Variants in SLC6A15 observed in about 807,000 individuals in gnomAD.
The protein encoded by SLC6A15 is solute carrier family 6 member 15, also known as sodium-dependent neutral amino acid transporter B(0)AT2.
Under a neutral mutation model 68.5 loss-of-function variants are expected in SLC6A15, and 33 were observed. The ratio of observed to expected loss-of-function variants is 0.48; its 90% CI spans 0.37 to 0.64. The LOEUF (loss-of-function observed/expected upper bound fraction) is 0.64. Among genes scored for constraint, SLC6A15 ranks in the 30% least tolerant of loss-of-function variants. The pLI is 0.00. For synonymous variants in SLC6A15, 347 were observed against 301.0 expected (o/e 1.15, Z -1.58); for missense variants, 747 against 874.3 (o/e 0.85, Z 1.84).
At position 84,885,950 on chromosome 12, in the gene SLC6A15, T is replaced by C; in HGVS notation, c.408A>G (p.Ile136Met). The C allele has an allele frequency of 6.2e-7, 1 of 1,612,530 alleles. No individual in the cohort carries two copies. The highest frequency in any genetic ancestry group is 1.1e-5 in the South Asian group (1 of 90,870). The part of the protein sequence containing the change: ...RRGSIGVWNY[I>M]SPKLGGIGFA... ...ATCCAATCCCGCCCAGTTTAGGGCT[T>C]ATGTAATTCCATACACCAATGCTGC... Residue 136 changes from isoleucine to methionine, a missense_variant, in exon 3 of 12, where the codon ATA becomes ATG. Physicochemically the swap from Ile to Met is conservative, Grantham distance 10. Coordinates refer to ENST00000266682, the MANE Select transcript of SLC6A15 (RefSeq NM_182767.6).
chr12:84,890,846 A>G (rs184762126), intron 2 of SLC6A15, among the ~76,000 whole-genome samples: 1 of 152,226 alleles, frequency 6.6e-6, no homozygotes, highest in African/African-American at 2.4e-5. Context: ...ATCACAAACT[A>G]GAATCAAATA....
intron 6 of SLC6A15, 41 bp from the exon 7 acceptor site, chr12:84,873,369 T>A (rs1331978512): frequency 1.3e-6 from 2 of 1,591,274 alleles, no homozygotes; most frequent in Admixed American, 3.6e-5. Flanking sequence ...TACAAAATAA[T>A]GTTTCAGAAT....
At chr12:84,875,663 TA>T (rs1871488658) in intron 6 of SLC6A15, among the ~76,000 whole-genome samples, 2 of 10,730 alleles carry the variant, frequency 1.9e-4, no homozygotes. Flanking sequence ...TATATATATA[TA>T]TATATATATA....
At chr12:84,877,837 G>T (rs2120602773) in intron 5 of SLC6A15, among the ~76,000 whole-genome samples, 1 of 152,170 alleles carries the variant, frequency 6.6e-6, no homozygotes, top group East Asian at 1.9e-4. Flanking sequence ...GTGTTTCTGT[G>T]TTTATTTTTT....
At chr12:84,884,283 T>C (rs1231196656) in intron 4 of SLC6A15, among the ~76,000 whole-genome samples, 3 of 152,022 alleles carry the variant, frequency 2.0e-5, no homozygotes, top group Non-Finnish European at 4.4e-5. Context: ...ATCAAAGTAA[T>C]TTTTATTTAT....
chr12:84,885,887 A>G, intron 3 of SLC6A15, 24 bp downstream of exon 3: 2 of 1,592,024 alleles, frequency 1.3e-6, no homozygotes, highest in East Asian at 2.2e-5. Flanking sequence ...AGATTACAGC[A>G]TACACCAACA....
intron 1 of SLC6A15, among the ~76,000 whole-genome samples, chr12:84,897,389 A>G (rs1034404552): frequency 1.3e-5 from 2 of 152,118 alleles, no homozygotes; most frequent in Non-Finnish European, 2.9e-5. Context: ...GCTAAAGGTA[A>G]TCCAACAAAC....
At chr12:84,874,778 C>T (rs1871442664) in intron 6 of SLC6A15, among the ~76,000 whole-genome samples, 2 of 152,138 alleles carry the variant, frequency 1.3e-5, no homozygotes. Context: ...AAAGACATTA[C>T]CAGCAGCCCA....
In SLC6A15 at chr12:84,870,648, G is replaced by C. The variant is rs1442904478; in HGVS notation, c.1325C>G (p.Ala442Gly). 1 of 1,611,190 alleles carries C rather than the reference G, an allele frequency of 6.2e-7. No homozygotes were observed. Among genetic ancestry groups the C allele is most frequent in the Admixed American group, 1.7e-5 (1 of 59,606 alleles). The change falls in exon 9 of 12, where the codon GCT becomes GGT. Residue 442 changes from alanine to glycine, a missense_variant. By Grantham distance (60) the Ala-to-Gly change is moderately conservative. Coordinates refer to ENST00000266682, the MANE Select transcript of SLC6A15 (RefSeq NM_182767.6). Reference sequence around the variant, plus strand: ...CATCGCTTCTGTAAAGGCAATAAAAGCTAAGCCGGTCCCCTGAACAGCCTG... The same window carrying C: ...CATCGCTTCTGTAAAGGCAATAAAACCTAAGCCGGTCCCCTGAACAGCCTG... ...LNKAVQGTGLAFIAFTEAMTH... is the reference protein window; with the variant it reads ...LNKAVQGTGLGFIAFTEAMTH...
intron 6 of SLC6A15, among the ~76,000 whole-genome samples, chr12:84,875,678 ATATATATATATATATATATAT>A (rs1393543359): frequency 0.029 from 4 of 138 alleles, 1 homozygote; most frequent in South Asian, 0.5. Context: ...ATATATATAT[ATATATATATATATATATATAT>A]GAGAATCAAA....
Position 84,883,783 on chromosome 12 carries a change from C to T in SLC6A15, c.756+76G>A, listed in dbSNP as rs1353138197. Reference sequence around the variant, plus strand: ...TTATGTGTGATTTGCCCACAGAAATCTGTAACAGAATTTGAGAGAGGGATG... The same window carrying T: ...TTATGTGTGATTTGCCCACAGAAATTTGTAACAGAATTTGAGAGAGGGATG... On this transcript the variant is annotated intron_variant, in intron 5 of 11. Transcript: ENST00000266682. The T allele has an allele frequency of 2.5e-6, 4 of 1,613,730 alleles. No individual in the cohort carries two copies. In the Admixed American group the frequency reaches 6.7e-5, roughly 27 times the overall value.
At chr12:84,883,620 A>G in intron 5 of SLC6A15, 1 of 1,411,534 alleles carries the variant, frequency 7.1e-7, no homozygotes, top group Non-Finnish European at 9.3e-7. Context: ...AATTTTAAAG[A>G]TCTTGTTGAA....
At chr12:84,879,382 G>A (rs1228094410) in intron 5 of SLC6A15, among the ~76,000 whole-genome samples, 5 of 151,502 alleles carry the variant, frequency 3.3e-5, no homozygotes, top group East Asian at 1.9e-4. Flanking sequence ...GTGGAGTGCC[G>A]TGGTGCAATC....
intron 1 of SLC6A15, among the ~76,000 whole-genome samples, chr12:84,896,219 C>T (rs1872632339): frequency 6.6e-6 from 1 of 152,152 alleles, no homozygotes; most frequent in Admixed American, 6.5e-5. Context: ...CTCCTGTCTA[C>T]AACTGTACAA....
chr12:84,863,550 G>C lies in SLC6A15; in HGVS notation c.1707C>G (p.Tyr569Ter). The change falls in exon 11 of 12, where the codon TAC (tyrosine) becomes TAG (stop). Residue 569 changes from tyrosine (Y) to a stop codon, truncating the protein, a stop_gained. Transcript: ENST00000266682. LOFTEE classifies it high-confidence loss of function. ...GAGAAATATATTTCCACATATAGTA[G>C]TAATATCTGCTGGGAGCAAAGCCCA... ...DMLGFAPSRY[Y>*]YYMWKYISPL... 1 of 1,590,718 alleles carries C rather than the reference G, an allele frequency of 6.3e-7. No individual in the cohort carries two copies. The highest frequency in any genetic ancestry group is 8.5e-7 in the Non-Finnish European group (1 of 1,171,814).
chr12:84,880,632 C>T (rs1871779203), intron 5 of SLC6A15, among the ~76,000 whole-genome samples: 1 of 152,056 alleles, frequency 6.6e-6, no homozygotes, highest in East Asian at 1.9e-4. Context: ...GATTATTACA[C>T]ATTGTCCAAG....
At chr12:84,885,803 G>A in intron 3 of SLC6A15, 108 bp downstream of exon 3, 1 of 1,188,328 alleles carries the variant, frequency 8.4e-7, no homozygotes. Context: ...CTAAAACATA[G>A]TAAAAGAGTT....
At chr12:84,863,874 T>C (rs1870956788) in intron 10 of SLC6A15, among the ~76,000 whole-genome samples, 1 of 151,740 alleles carries the variant, frequency 6.6e-6, no homozygotes, top group African/African-American at 2.4e-5. Context: ...TTTCAGTATA[T>C]TAAAAATTTC....
At chr12:84,885,122 T>C (rs1393807127) in intron 4 of SLC6A15, among the ~76,000 whole-genome samples, 4 of 152,022 alleles carry the variant, frequency 2.6e-5, no homozygotes, top group African/African-American at 4.8e-5. Context: ...CTGTTAGTTT[T>C]AATGAAAATG....
Sources: allele counts gnomAD v4.1 joint callset (sites outside exome capture counted in the v4.1 genomes callset), GRCh38; gene constraint gnomAD v4.1.1; transcripts MANE v1.5; gene names NCBI Gene and HGNC (gene_info 2026-07-23, HGNC 2026-07-21).